Variants in TNPO1 observed in about 807,000 individuals in gnomAD.
TNPO1 encodes the protein transportin-1.
Under a neutral mutation model 119.5 loss-of-function variants are expected in TNPO1, and 8 were observed. The ratio of observed to expected loss-of-function variants is 0.07; its 90% CI spans 0.04 to 0.12. The LOEUF is 0.12. Ranked by LOEUF, TNPO1 falls within the 10% of genes least tolerant of loss-of-function variation. TNPO1 has a pLI of 1.00. For synonymous variants in TNPO1, 362 were observed against 363.0 expected (o/e 1.00, Z 0.03); for missense variants, 576 against 1,089.8 (o/e 0.53, Z 6.64).
At chr5:72,872,549 A>T (rs1465726175) in intron 6 of TNPO1, 90 bp from the exon 7 acceptor site, 2 of 824,276 alleles carry the variant, frequency 2.4e-6, no homozygotes, top group African/African-American at 1.7e-5. Flanking sequence ...ACATATCATA[A>T]TATTTTTATG....
intron 9 of TNPO1, among the ~76,000 whole-genome samples, chr5:72,881,318 C>A (rs1337410857): frequency 6.6e-6 from 1 of 152,144 alleles, no homozygotes; most frequent in East Asian, 1.9e-4. Context: ...ACTATGTTGG[C>A]CGGGCTGGTC....
At chr5:72,875,585 A>G (rs756961564) in intron 7 of TNPO1, 30 bp from the exon 8 acceptor site, 2 of 1,606,076 alleles carry the variant, frequency 1.2e-6, no homozygotes, top group Non-Finnish European at 1.7e-6. Flanking sequence ...GCCTTTCTAA[A>G]ACTAGAAAAA....
chr5:72,897,034 T>C, intron 19 of TNPO1, 22 bp from the exon 20 acceptor site: 1 of 1,514,736 alleles, frequency 6.6e-7, no homozygotes, highest in Non-Finnish European at 8.8e-7. Context: ...TTTTGTTTTT[T>C]TCTTTTTGGG....
At chr5:72,824,758 T>C (rs972951939) in intron 1 of TNPO1, among the ~76,000 whole-genome samples, 4 of 152,036 alleles carry the variant, frequency 2.6e-5, no homozygotes, top group African/African-American at 9.7e-5. Flanking sequence ...TGGCTTGAAA[T>C]ACCATGTAAA....
chr5:72,862,004 T>A, intron 5 of TNPO1, 90 bp downstream of exon 5: 1 of 853,098 alleles, frequency 1.2e-6, no homozygotes, highest in South Asian at 1.5e-5. Context: ...ATAGTTCCTC[T>A]GAAACATACA....
intron 3 of TNPO1, 58 bp downstream of exon 3, chr5:72,851,377 A>C: frequency 1.0e-6 from 1 of 985,190 alleles, no homozygotes; most frequent in South Asian, 1.4e-5. Flanking sequence ...GTTTAAATGT[A>C]CTGAGAATTA....
At chr5:72,853,117 C>T (rs1223562752) in intron 3 of TNPO1, among the ~76,000 whole-genome samples, 2 of 152,270 alleles carry the variant, frequency 1.3e-5, no homozygotes, top group East Asian at 3.9e-4. Flanking sequence ...TATAAGGATA[C>T]TTCCTTCAGG....
intron 20 of TNPO1, 38 bp from the exon 21 acceptor site, chr5:72,899,968 G>T: frequency 6.4e-7 from 1 of 1,568,524 alleles, no homozygotes. Flanking sequence ...GTCTTGGTTG[G>T]CGTTTGGTGG....
intron 11 of TNPO1, among the ~76,000 whole-genome samples, chr5:72,886,854 A>C (rs894655643): frequency 1.5e-5 from 2 of 131,444 alleles, no homozygotes; most frequent in Non-Finnish European, 3.1e-5. Flanking sequence ...GCACCACTGC[A>C]CTCCAGCCTG....
At chr5:72,867,772 A>G (rs915293981) in intron 6 of TNPO1, among the ~76,000 whole-genome samples, 7 of 152,248 alleles carry the variant, frequency 4.6e-5, no homozygotes, top group African/African-American at 1.7e-4. Flanking sequence ...ACAGTACTGA[A>G]TGTAGACATA....
At position 72,912,635 on chromosome 5, in the gene TNPO1, A is replaced by T. The variant is rs1750640742; in HGVS notation, c.*3962A>T. ...CCCTCCTGACAAGCCTTTTGCCTAC[A>T]GGTTTACCTGAAAATGAGCTACATA... is the stretch of plus-strand genomic sequence containing the variant. On this transcript the variant is annotated 3_prime_UTR_variant, in exon 25 of 25. Transcript: ENST00000337273. 6.6e-6 allele frequency: 1 copy of T among 152,428 alleles called. No individual in the cohort carries two copies. Among genetic ancestry groups the T allele is most frequent in the Non-Finnish European group, 1.5e-5 (1 of 67,906 alleles). 9.4% of individuals were successfully genotyped at this position (152,428 alleles called of 1,614,324 possible). A position where few individuals can be genotyped will look rare whatever the true frequency, so the allele number is the denominator to read the frequency against.
At chr5:72,853,317 C>T (rs1745730588) in intron 3 of TNPO1, among the ~76,000 whole-genome samples, 1 of 152,148 alleles carries the variant, frequency 6.6e-6, no homozygotes. Context: ...TGGCACACAC[C>T]TGTGGTCCCG....
At chr5:72,821,757 C>T (rs192522801) in intron 1 of TNPO1, among the ~76,000 whole-genome samples, 10 of 152,184 alleles carry the variant, frequency 6.6e-5, no homozygotes, top group Admixed American at 3.9e-4. Context: ...GTAATAGATT[C>T]GTTGAATAGA....
At chr5:72,877,184 T>C (rs1422270276) in intron 8 of TNPO1, 44 bp from the exon 9 acceptor site, 2 of 1,067,786 alleles carry the variant, frequency 1.9e-6, no homozygotes, top group South Asian at 2.8e-5. Context: ...ATACTAATGG[T>C]GTGATTTTTA....
chr5:72,849,689 AT>A (rs1231597671), intron 2 of TNPO1, among the ~76,000 whole-genome samples: 1 of 152,242 alleles, frequency 6.6e-6, no homozygotes, highest in African/African-American at 2.4e-5. Flanking sequence ...ATCTGCTTGG[AT>A]TTTTTAAAGC....
chr5:72,848,659 C>T (rs1450252285), intron 2 of TNPO1, among the ~76,000 whole-genome samples, 161 bp downstream of exon 2: 3 of 149,138 alleles, frequency 2.0e-5, no homozygotes, highest in African/African-American at 7.3e-5. Context: ...CCGCCGCTGC[C>T]CCTGCCGGGC....
chr5:72,823,948 A>G (rs751526944), intron 1 of TNPO1, among the ~76,000 whole-genome samples: 1 of 152,048 alleles, frequency 6.6e-6, no homozygotes, highest in Non-Finnish European at 1.5e-5. Flanking sequence ...CTCTTTTCCC[A>G]TCCTCACCTT....
chr5:72,872,847 A>G (rs1271665873), intron 7 of TNPO1, 127 bp downstream of exon 7: 11 of 527,504 alleles, frequency 2.1e-5, no homozygotes, highest in Middle Eastern at 3.6e-4. Flanking sequence ...TCAATATTTA[A>G]TTAAATTATT....
chr5:72,885,314 A>C (rs1337358057), intron 11 of TNPO1, among the ~76,000 whole-genome samples: 1 of 152,226 alleles, frequency 6.6e-6, no homozygotes, highest in Non-Finnish European at 1.5e-5. Context: ...GTTTACTACT[A>C]TTACAAATTA....
Sources: allele counts gnomAD v4.1 joint callset (sites outside exome capture counted in the v4.1 genomes callset), GRCh38; gene constraint gnomAD v4.1.1; transcripts MANE v1.5; gene names NCBI Gene and HGNC (gene_info 2026-07-23, HGNC 2026-07-21).